PI4KA: variants seen among roughly 807,000 people sequenced by gnomAD.
The protein encoded by PI4KA is phosphatidylinositol 4-kinase alpha.
A neutral mutation model predicts 271.4 loss-of-function variants in PI4KA; 122 were observed. The observed-to-expected ratio is 0.45, with a 90% confidence interval of 0.39 to 0.52. PI4KA has a LOEUF of 0.52. PI4KA is among the 20% of genes least tolerant of loss of function. The pLI, the probability that PI4KA is intolerant of heterozygous loss-of-function variation, is 0.00. For missense variants in PI4KA, 1,969 were observed against 2,769.1 expected, an observed-to-expected ratio of 0.71 and a Z score of 6.48; for synonymous variants, 1,041 against 1,078.8, an observed-to-expected ratio of 0.96 and a Z score of 0.69.
intron 36 of PI4KA, among the ~76,000 whole-genome samples, chr22:20,730,258 C>T (rs1352301737): frequency 7.0e-6 from 1 of 143,284 alleles, no homozygotes; most frequent in Non-Finnish European, 1.5e-5. Context: ...TTAACCTTTT[C>T]AAAATTTATT....
chr22:20,792,841 T>C (rs544001810), intron 19 of PI4KA, among the ~76,000 whole-genome samples: 1 of 152,224 alleles, frequency 6.6e-6, no homozygotes, highest in South Asian at 2.1e-4. Flanking sequence ...AAGGAAGGGA[T>C]GGAAGCAGGG....
At chr22:20,846,532 G>C (rs1194214405) in intron 1 of PI4KA, among the ~76,000 whole-genome samples, 1 of 151,956 alleles carries the variant, frequency 6.6e-6, no homozygotes, top group Non-Finnish European at 1.5e-5. Context: ...CCTGTGAGGT[G>C]GGGGAGGGAG....
At chr22:20,807,507 G>T in intron 9 of PI4KA, 49 bp from the exon 10 acceptor site, 1 of 1,114,338 alleles carries the variant, frequency 9.0e-7, no homozygotes, top group Non-Finnish European at 1.4e-6. Flanking sequence ...ATGCCCTTCT[G>T]CCCACCCTTT....
chr22:20,788,432 T>C (rs1484797457), intron 19 of PI4KA, among the ~76,000 whole-genome samples: 2 of 152,146 alleles, frequency 1.3e-5, no homozygotes, highest in Non-Finnish European at 2.9e-5. Context: ...AGAGTCTCCT[T>C]ACCCTCAATC....
At chr22:20,710,913 A>T in intron 51 of PI4KA, 55 bp from the exon 52 acceptor site, 1 of 1,600,580 alleles carries the variant, frequency 6.2e-7, no homozygotes, top group East Asian at 2.2e-5. Flanking sequence ...GCGGGCAAGG[A>T]CAAGTGGTCT....
Position 20,729,497 on chromosome 22 carries a change from T to G in PI4KA, c.4498A>C (p.Ile1500Leu). 2 of 1,595,622 alleles carry G rather than the reference T, an allele frequency of 1.3e-6. No homozygotes were observed. Among genetic ancestry groups the G allele is most frequent in the Middle Eastern group, 3.3e-4 (2 of 6,038 alleles). ...TLLLSLLATE[I>L]ERLITWYNPL... is the part of the protein sequence containing the mutation. ...TTGTACCATGTGATGAGACGCTCGATCTCAGTGGCCTGGCAAGATAAGACA... is the reference window on the plus strand; with the variant it reads ...TTGTACCATGTGATGAGACGCTCGAGCTCAGTGGCCTGGCAAGATAAGACA... The change falls in exon 39 of 55, where the codon ATC (isoleucine) becomes CTC (leucine). Residue 1500 changes from isoleucine to leucine, a missense_variant. This residue lies in a region of PI4KA where 388 missense variants were observed against 521.5 expected (regional missense o/e 0.74). Transcript: ENST00000255882.
intron 41 of PI4KA, 152 bp downstream of exon 41, chr22:20,727,078 C>A: frequency 1.6e-6 from 1 of 610,914 alleles, no homozygotes; most frequent in South Asian, 2.3e-5. Context: ...GAACTAAATC[C>A]ATCTTCTACA....
chr22:20,767,881 C>T (rs1182508256), intron 19 of PI4KA, among the ~76,000 whole-genome samples: 2 of 151,370 alleles, frequency 1.3e-5, no homozygotes, highest in Admixed American at 1.3e-4. Context: ...GTGATCTGCC[C>T]GCCTCAGCCT....
intron 19 of PI4KA, chr22:20,784,108 C>T (rs966277331): frequency 2.5e-6 from 4 of 1,614,122 alleles, no homozygotes; most frequent in South Asian, 1.1e-5. Flanking sequence ...AGCTGGACTG[C>T]GACATCCTCC....
intron 1 of PI4KA, among the ~76,000 whole-genome samples, chr22:20,848,074 C>T (rs1601616684): frequency 1.3e-5 from 2 of 151,888 alleles, no homozygotes; most frequent in East Asian, 3.9e-4. Context: ...CCTGTCTCTG[C>T]TAAAAATACA....
intron 3 of PI4KA, among the ~76,000 whole-genome samples, chr22:20,828,358 C>A (rs1021687552): frequency 1.3e-5 from 2 of 152,184 alleles, no homozygotes; most frequent in East Asian, 1.9e-4. Flanking sequence ...CTTTCTCTTG[C>A]CTGATTGCTC....
Position 20,727,304 on chromosome 22 carries a change from A to C in PI4KA, c.4867T>G (p.Tyr1623Asp), listed in dbSNP as rs776650691. 2.5e-6 allele frequency: 4 copies of C among 1,613,242 alleles called. No individual in the cohort carries two copies. Among genetic ancestry groups the C allele is most frequent in the Non-Finnish European group, 3.4e-6 (4 of 1,179,940 alleles). The change falls in exon 41 of 55, where the codon TAC becomes GAC. Residue 1623 changes from tyrosine to aspartate, a missense_variant. Coordinates refer to ENST00000255882, the MANE Select transcript of PI4KA (RefSeq NM_058004.4). Reference protein sequence around the residue: ...APTDPPTGLSYFSSMYPPHPL... With the variant: ...APTDPPTGLSDFSSMYPPHPL... The stretch of plus-strand genomic sequence containing the variant: ...TGCGGCGGGTACATGCTGGAGAAGT[A>C]GGAGAGGCCTGTGGGTGGGTCCGTG...
intron 42 of PI4KA, among the ~76,000 whole-genome samples, chr22:20,724,151 A>AAT (rs920897920): frequency 8.0e-6 from 1 of 124,732 alleles, no homozygotes; most frequent in African/African-American, 3.0e-5. Flanking sequence ...AATTAATTAA[A>AAT]ATAATTAACC....
At chr22:20,796,742 C>T (rs144233180) in intron 17 of PI4KA, among the ~76,000 whole-genome samples, 1 of 152,260 alleles carries the variant, frequency 6.6e-6, no homozygotes, top group Non-Finnish European at 1.5e-5. Context: ...AGAACTTTCA[C>T]CTCATGACCA....
intron 29 of PI4KA, among the ~76,000 whole-genome samples, chr22:20,746,258 T>G (rs771537658): frequency 1.3e-5 from 2 of 151,896 alleles, no homozygotes; most frequent in South Asian, 2.1e-4. Flanking sequence ...GAGACGGGGT[T>G]TCACCGTGTT....
intron 36 of PI4KA, among the ~76,000 whole-genome samples, chr22:20,731,310 A>G (rs1357678865): frequency 6.6e-6 from 1 of 152,246 alleles, no homozygotes; most frequent in African/African-American, 2.4e-5. Flanking sequence ...GTGGGGGCAG[A>G]CTGTAAGGAC....
At position 20,766,447 on chromosome 22, in the gene PI4KA, T is replaced by C. The variant is rs908625017; in HGVS notation, c.2329-754A>G. On this transcript the variant is annotated intron_variant, in intron 19 of 54. Transcript: ENST00000255882. ...GGGAGGCCGAGGTGGGCAGATCACC[T>C]GAGGTCAGGAGTTCAAGACCAGCCT... Among the ~76,000 whole-genome samples, 8 of 152,220 alleles carry C rather than the reference T, an allele frequency of 5.3e-5. No individual in the cohort carries two copies. The South Asian group carries it at 1.7e-3, about 32-fold the overall frequency.
At chr22:20,845,507 G>A (rs1926117140) in intron 1 of PI4KA, among the ~76,000 whole-genome samples, 1 of 152,142 alleles carries the variant, frequency 6.6e-6, no homozygotes, top group African/African-American at 2.4e-5. Flanking sequence ...ATATTTTTCT[G>A]TTAAAACCAT....
intron 19 of PI4KA, among the ~76,000 whole-genome samples, chr22:20,770,846 C>A (rs997580779): frequency 6.6e-6 from 1 of 152,044 alleles, no homozygotes; most frequent in Admixed American, 6.6e-5. Context: ...CATGAGCCAC[C>A]GTGCCTGACC....
Sources: allele counts gnomAD v4.1 joint callset (sites outside exome capture counted in the v4.1 genomes callset), GRCh38; gene constraint gnomAD v4.1.1; regional missense constraint gnomAD v4.1.1; transcripts MANE v1.5; gene names NCBI Gene and HGNC (gene_info 2026-07-23, HGNC 2026-07-21).